Variants in SLC9A2 observed in about 807,000 individuals in gnomAD.
The protein encoded by SLC9A2 is solute carrier family 9 member A2, also known as sodium/hydrogen exchanger 2.
Under a neutral mutation model 71.7 loss-of-function variants are expected in SLC9A2, and 42 were observed. The observed-to-expected ratio is 0.59, with a 90% CI of 0.46 to 0.76. The LOEUF (loss-of-function observed/expected upper bound fraction) is 0.76, where lower values mean the gene tolerates loss of function less well. Among genes scored for constraint, SLC9A2 ranks in the 30% least tolerant of loss-of-function variants. SLC9A2 has a pLI of 0.00. For synonymous variants in SLC9A2, 396 were observed against 392.5 expected, an observed-to-expected ratio of 1.01 and a Z score of -0.10; for missense variants, 829 against 1,017.4, an observed-to-expected ratio of 0.81 and a Z score of 2.52.
chr2:102,639,060 T>C (rs10178118), intron 1 of SLC9A2, among the ~76,000 whole-genome samples: 68,184 of 152,034 alleles, frequency 0.45, 15,662 homozygotes, highest in East Asian at 0.68. Flanking sequence ...GGTGTGCACC[T>C]GTAGTCCTAA....
At chr2:102,691,417 T>C (rs1044101559) in intron 5 of SLC9A2, among the ~76,000 whole-genome samples, 2 of 152,140 alleles carry the variant, frequency 1.3e-5, no homozygotes, top group African/African-American at 4.8e-5. Context: ...TCTTGGTCTT[T>C]GTTGTTTCTT....
Position 102,705,046 on chromosome 2 carries a change from C to CA in SLC9A2, c.1977+381dup, listed in dbSNP as rs761210744. ...GTGAAACCCCATCTCTACTAAAATA[C>CA]AAAAAAAAAATTAGCTGAATATGGT... On this transcript the variant is annotated intron_variant, in intron 10 of 11. Coordinates refer to ENST00000233969, the MANE Select transcript of SLC9A2 (RefSeq NM_003048.6). Among the ~76,000 whole-genome samples, 615 of 148,658 alleles carry CA rather than the reference C, an allele frequency of 4.1e-3. 6 individuals carry two copies. The highest frequency in any genetic ancestry group is 0.013 in the African/African-American group (536 of 40,592).
In SLC9A2 at chr2:102,700,169, A is replaced by G. The variant is rs553555786; in HGVS notation, c.1587-901A>G. On this transcript the variant is annotated intron_variant, in intron 7 of 11. Coordinates refer to ENST00000233969, the MANE Select transcript of SLC9A2 (RefSeq NM_003048.6). ...GAGGACTCTGGCAGAATATCAGTTCAGTTTGAATATGTTAAATTTGGGATG... is the reference window on the plus strand; with the variant it reads ...GAGGACTCTGGCAGAATATCAGTTCGGTTTGAATATGTTAAATTTGGGATG... Among the ~76,000 whole-genome samples, 11 of 152,332 alleles carry G rather than the reference A, an allele frequency of 7.2e-5. No homozygotes were observed. The South Asian group carries it at 2.3e-3, about 32-fold the overall frequency.
chr2:102,626,881 G>A (rs556688454), intron 1 of SLC9A2, among the ~76,000 whole-genome samples: 2 of 152,220 alleles, frequency 1.3e-5, no homozygotes, highest in South Asian at 2.1e-4. Flanking sequence ...AAATGAAAAT[G>A]TTACATTATA....
At chr2:102,663,832 C>T (rs1677088566) in intron 2 of SLC9A2, among the ~76,000 whole-genome samples, 2 of 152,200 alleles carry the variant, frequency 1.3e-5, no homozygotes, top group African/African-American at 4.8e-5. Flanking sequence ...TGACTTGCTT[C>T]TCTTGTGAAA....
chr2:102,673,624 G>A (rs1677295046), intron 3 of SLC9A2, among the ~76,000 whole-genome samples: 1 of 151,958 alleles, frequency 6.6e-6, no homozygotes, highest in Non-Finnish European at 1.5e-5. Context: ...TTTTTGGACT[G>A]TTTCTTGACT....
At chr2:102,696,206 G>A (rs1300049466) in intron 7 of SLC9A2, among the ~76,000 whole-genome samples, 1 of 152,062 alleles carries the variant, frequency 6.6e-6, no homozygotes, top group African/African-American at 2.4e-5. Flanking sequence ...ACTGACAAAT[G>A]CTACAAATCA....
intron 3 of SLC9A2, among the ~76,000 whole-genome samples, chr2:102,679,263 C>T (rs902615697): frequency 1.3e-5 from 2 of 152,122 alleles, no homozygotes; most frequent in Non-Finnish European, 2.9e-5. Flanking sequence ...AGGTGTCTGG[C>T]TACTGTAAGC....
chr2:102,678,445 T>G (rs1474955269), intron 3 of SLC9A2, among the ~76,000 whole-genome samples: 1 of 152,138 alleles, frequency 6.6e-6, no homozygotes, highest in Non-Finnish European at 1.5e-5. Context: ...AATAGTTTTA[T>G]TTTGAAGCTT....
At chr2:102,698,651 C>G (rs1461665671) in intron 7 of SLC9A2, among the ~76,000 whole-genome samples, 4 of 152,130 alleles carry the variant, frequency 2.6e-5, no homozygotes, top group South Asian at 4.1e-4. Context: ...TGAGGTGACT[C>G]TGCTCCATGT....
chr2:102,621,818 A>T (rs1270047828), intron 1 of SLC9A2, among the ~76,000 whole-genome samples: 1 of 152,196 alleles, frequency 6.6e-6, no homozygotes, highest in Non-Finnish European at 1.5e-5. Context: ...GCAAACATTT[A>T]AACTGGATTT....
At chr2:102,649,294 C>A (rs907235102) in intron 1 of SLC9A2, among the ~76,000 whole-genome samples, 4 of 152,124 alleles carry the variant, frequency 2.6e-5, no homozygotes, top group Non-Finnish European at 5.9e-5. Context: ...AAACTGGACC[C>A]CTTTCTTACA....
At chr2:102,689,215 T>C (rs1388319550) in intron 5 of SLC9A2, among the ~76,000 whole-genome samples, 1 of 152,188 alleles carries the variant, frequency 6.6e-6, no homozygotes, top group African/African-American at 2.4e-5. Context: ...GCGATGGATG[T>C]CTGCCCATGT....
intron 1 of SLC9A2, among the ~76,000 whole-genome samples, chr2:102,635,207 G>A (rs912527329): frequency 7.9e-5 from 12 of 152,122 alleles, no homozygotes; most frequent in African/African-American, 2.7e-4. Context: ...TTTCTCTTAC[G>A]GAACACTGGA....
chr2:102,621,338 T>C (rs1455301718), intron 1 of SLC9A2, among the ~76,000 whole-genome samples: 1 of 124,050 alleles, frequency 8.1e-6, no homozygotes, highest in Non-Finnish European at 1.6e-5. Flanking sequence ...CACAGAGAGA[T>C]ACCTTGTCTC....
intron 1 of SLC9A2, among the ~76,000 whole-genome samples, chr2:102,627,509 A>G (rs1044138793): frequency 5.3e-5 from 8 of 152,122 alleles, no homozygotes; most frequent in African/African-American, 1.9e-4. Context: ...TTATAAAATT[A>G]TTATTTTGAG....
intron 3 of SLC9A2, among the ~76,000 whole-genome samples, chr2:102,673,049 A>T (rs1677284840): frequency 6.6e-6 from 1 of 152,066 alleles, no homozygotes; most frequent in African/African-American, 2.4e-5. Flanking sequence ...AATACACAAA[A>T]CTCATCCTAA....
At chr2:102,671,989 C>T (rs1677260233) in intron 3 of SLC9A2, among the ~76,000 whole-genome samples, 1 of 151,904 alleles carries the variant, frequency 6.6e-6, no homozygotes, top group Non-Finnish European at 1.5e-5. Context: ...GGCTGTAATC[C>T]CAGCTGCTAC....
Position 102,684,296 on chromosome 2 carries a change from CG to C in SLC9A2, c.1387del (p.Ala463LeufsTer15). ...TTTCCTCGGAAAAAATTGTTTATTA[CG>C]GCTGCCATTGTTGTCATATTCTTTA... ...AVFPRKKLFI[T>X]AAIVVIFFTV... On this transcript the variant is annotated frameshift_variant, in exon 5 of 12. Coordinates refer to ENST00000233969, the MANE Select transcript of SLC9A2 (RefSeq NM_003048.6). LOFTEE classifies it high-confidence loss of function. The C allele has an allele frequency of 6.2e-7, 1 of 1,614,110 alleles. No individual in the cohort carries two copies. Among genetic ancestry groups the C allele is most frequent in the Non-Finnish European group, 8.5e-7 (1 of 1,180,006 alleles).
Sources: gnomAD v4.1 joint callset for allele counts (sites outside exome capture counted in the v4.1 genomes callset) on GRCh38, gnomAD v4.1.1 for gene constraint, MANE v1.5 for transcripts, NCBI Gene and HGNC (gene_info 2026-07-23, HGNC 2026-07-21) for gene names.